The following GPC5 variants were observed in gnomAD, a reference collection of about 807,000 sequenced individuals.
The protein encoded by GPC5 is glypican 5, also known as glypican-5.
Under a neutral mutation model 53.9 loss-of-function variants are expected in GPC5, and 47 were observed. The ratio of observed to expected loss-of-function variants is 0.87; its 90% CI spans 0.69 to 1.11. GPC5 has a LOEUF of 1.11. Ranked by LOEUF, GPC5 falls within the 50% of genes most tolerant of loss-of-function variation. The pLI is 0.00. For missense variants in GPC5, 748 were observed against 713.1 expected (o/e 1.05, Z -0.56); for synonymous variants, 286 against 263.3 (o/e 1.09, Z -0.84).
At position 92,082,913 on chromosome 13, in the gene GPC5, C is replaced by T. The variant is rs184949348; in HGVS notation, c.1402-61917C>T. On this transcript the variant is annotated intron_variant, in intron 6 of 7. Coordinates refer to ENST00000377067, the MANE Select transcript of GPC5 (RefSeq NM_004466.6). ...GAAACCCAGTACAGAGATGTGTCTACCTGGGATCATGAAATCAAATATTCA... is the reference window on the plus strand; with the variant it reads ...GAAACCCAGTACAGAGATGTGTCTATCTGGGATCATGAAATCAAATATTCA... Among the ~76,000 whole-genome samples, 825 of 152,114 alleles carry T rather than the reference C, an allele frequency of 5.4e-3. 4 individuals are homozygous for T. Among genetic ancestry groups the T allele is most frequent in the Non-Finnish European group, 9.6e-3 (651 of 67,998 alleles).
At chr13:92,333,377 A>T (rs2043301311) in intron 7 of GPC5, among the ~76,000 whole-genome samples, 1 of 152,144 alleles carries the variant, frequency 6.6e-6, no homozygotes, top group Non-Finnish European at 1.5e-5. Flanking sequence ...GTTTTATCAG[A>T]ACCTAGGGGA....
At chr13:91,664,488 A>T (rs1231929084) in intron 2 of GPC5, among the ~76,000 whole-genome samples, 1 of 152,108 alleles carries the variant, frequency 6.6e-6, no homozygotes, top group Non-Finnish European at 1.5e-5. Flanking sequence ...TTCTGTTTTG[A>T]GTTTTATTTT....
At chr13:92,730,310 CATATT>C (rs1433704994) in intron 7 of GPC5, among the ~76,000 whole-genome samples, 1 of 151,360 alleles carries the variant, frequency 6.6e-6, no homozygotes, top group Admixed American at 6.6e-5. Flanking sequence ...CCCTTATTAA[CATATT>C]ATAAGCCACA....
At chr13:92,214,144 T>C (rs1217859506) in intron 7 of GPC5, among the ~76,000 whole-genome samples, 1 of 152,190 alleles carries the variant, frequency 6.6e-6, no homozygotes, top group Non-Finnish European at 1.5e-5. Flanking sequence ...TTTTCTATCA[T>C]AGCAATACCC....
At chr13:92,417,602 G>A (rs1445696794) in intron 7 of GPC5, among the ~76,000 whole-genome samples, 2 of 152,164 alleles carry the variant, frequency 1.3e-5, no homozygotes, top group African/African-American at 4.8e-5. Context: ...GACTGGTGTG[G>A]TGGCTCATGG....
intron 5 of GPC5, among the ~76,000 whole-genome samples, chr13:91,790,121 C>A (rs543718): frequency 0.31 from 47,375 of 152,046 alleles, 8,761 homozygotes; most frequent in African/African-American, 0.5. Context: ...GAGGACAAAC[C>A]AACATTCATC....
At chr13:92,191,154 C>T (rs1278002731) in intron 7 of GPC5, among the ~76,000 whole-genome samples, 1 of 151,990 alleles carries the variant, frequency 6.6e-6, no homozygotes, top group Admixed American at 6.6e-5. Flanking sequence ...GGTCAATACT[C>T]CAAGAAGATA....
intron 7 of GPC5, among the ~76,000 whole-genome samples, chr13:92,726,740 A>G (rs1446897548): frequency 6.6e-6 from 1 of 151,562 alleles, no homozygotes; most frequent in Non-Finnish European, 1.5e-5. Context: ...TTCTGAAACA[A>G]AGTTAAGCTA....
intron 7 of GPC5, among the ~76,000 whole-genome samples, chr13:92,494,931 AT>A (rs1399245531): frequency 6.6e-6 from 1 of 152,132 alleles, no homozygotes; most frequent in Non-Finnish European, 1.5e-5. Flanking sequence ...TATACAGTTT[AT>A]TTTTTAAAAA....
At chr13:91,462,492 AT>A (rs1881995895) in intron 2 of GPC5, among the ~76,000 whole-genome samples, 1 of 152,144 alleles carries the variant, frequency 6.6e-6, no homozygotes, top group Non-Finnish European at 1.5e-5. Context: ...GGCAATTTTT[AT>A]TTTGGTTTAA....
At chr13:92,527,235 AAGAAAGAAAGAAAGAG>A in intron 7 of GPC5, among the ~76,000 whole-genome samples, 2 of 45,190 alleles carry the variant, frequency 4.4e-5, no homozygotes, top group Admixed American at 2.8e-4. Flanking sequence ...GAAAGAAAGA[AAGAAAGAAAGAAAGAG>A]AAAGAAAGAA....
intron 7 of GPC5, among the ~76,000 whole-genome samples, chr13:92,220,166 CT>C (rs1382394969): frequency 6.6e-6 from 1 of 152,054 alleles, no homozygotes; most frequent in Admixed American, 6.6e-5. Flanking sequence ...TTGTGCTTTT[CT>C]TTTTGCTTTC....
chr13:92,812,640 G>T (rs766402724), intron 7 of GPC5, among the ~76,000 whole-genome samples: 1 of 151,836 alleles, frequency 6.6e-6, no homozygotes, highest in Middle Eastern at 3.4e-3. Flanking sequence ...AGGAATAAAA[G>T]GTATTCAAAT....
At chr13:92,693,700 A>T (rs1161534465) in intron 7 of GPC5, among the ~76,000 whole-genome samples, 1 of 152,208 alleles carries the variant, frequency 6.6e-6, no homozygotes, top group Non-Finnish European at 1.5e-5. Context: ...ACTTTTATTT[A>T]AAAGGGAAGA....
At chr13:92,400,943 G>A (rs1875528906) in intron 7 of GPC5, among the ~76,000 whole-genome samples, 1 of 151,850 alleles carries the variant, frequency 6.6e-6, no homozygotes, top group Non-Finnish European at 1.5e-5. Flanking sequence ...TGCCCCCTTG[G>A]GACAGGGACA....
intron 5 of GPC5, among the ~76,000 whole-genome samples, chr13:91,799,141 T>C (rs3012005): frequency 0.36 from 54,557 of 152,116 alleles, 11,106 homozygotes; most frequent in African/African-American, 0.56. Context: ...CCATGGAATA[T>C]TATGCAGCCA....
At chr13:91,508,577 AGTTCTATTTATTAAGTGCCTGCTCTGT>A (rs1353543316) in intron 2 of GPC5, among the ~76,000 whole-genome samples, 5 of 152,166 alleles carry the variant, frequency 3.3e-5, no homozygotes, top group African/African-American at 1.2e-4. Flanking sequence ...GAGGACATGA[AGTTCTATTTATTAAGTGCCTGCTCTGT>A]GTCACGCCCA....
intron 7 of GPC5, among the ~76,000 whole-genome samples, chr13:92,705,123 A>T (rs574013726): frequency 6.6e-6 from 1 of 152,128 alleles, no homozygotes; most frequent in East Asian, 1.9e-4. Context: ...ATTAAGTGAC[A>T]TATCTCTAGT....
intron 7 of GPC5, among the ~76,000 whole-genome samples, chr13:92,422,486 TCTCA>T (rs1233918609): frequency 1.2e-5 from 1 of 82,222 alleles, no homozygotes. Context: ...CCCATCACCA[TCTCA>T]CACACACACA....
Sources: gnomAD v4.1 joint callset for allele counts (sites outside exome capture counted in the v4.1 genomes callset) on GRCh38, gnomAD v4.1.1 for gene constraint, MANE v1.5 for transcripts, NCBI Gene and HGNC (gene_info 2026-07-23, HGNC 2026-07-21) for gene names.